Variants in ADAMTSL1 observed in about 807,000 individuals in gnomAD.
The protein encoded by ADAMTSL1 is ADAMTS like 1.
A neutral mutation model predicts 201.8 loss-of-function variants in ADAMTSL1; 126 were observed. That is an observed-to-expected ratio of 0.62 (90% CI 0.54 to 0.72). The LOEUF is 0.72. Among genes scored for constraint, ADAMTSL1 ranks in the 30% least tolerant of loss-of-function variants. ADAMTSL1 has a pLI of 0.00. For missense variants in ADAMTSL1, 2,679 were observed against 2,277.8 expected, an observed-to-expected ratio of 1.18 and a Z score of -3.59; for synonymous variants, 1,121 against 903.4, an observed-to-expected ratio of 1.24 and a Z score of -4.32.
intron 2 of ADAMTSL1, among the ~76,000 whole-genome samples, chr9:18,443,082 G>C (rs994814725): frequency 6.6e-6 from 1 of 152,120 alleles, no homozygotes; most frequent in Non-Finnish European, 1.5e-5. Flanking sequence ...GAAGGCTTTG[G>C]GGGCCTGGAT....
At chr9:18,343,034 G>T (rs960992520) in intron 2 of ADAMTSL1, among the ~76,000 whole-genome samples, 6 of 145,552 alleles carry the variant, frequency 4.1e-5, no homozygotes, top group East Asian at 2.0e-4. Context: ...TTTTTGTTTT[G>T]TTTTTTTTTT....
chr9:18,688,315 G>C (rs1396631684), intron 13 of ADAMTSL1, among the ~76,000 whole-genome samples: 1 of 151,486 alleles, frequency 6.6e-6, no homozygotes, highest in Admixed American at 6.6e-5. Flanking sequence ...GTAAATAAGA[G>C]ACAGGGTTTC....
chr9:18,357,278 C>G (rs1220591972), intron 2 of ADAMTSL1, among the ~76,000 whole-genome samples: 1 of 151,726 alleles, frequency 6.6e-6, no homozygotes, highest in Admixed American at 6.6e-5. Flanking sequence ...CAAAATAATC[C>G]TGTTGAAAAA....
chr9:18,861,819 C>T (rs1827231669), intron 23 of ADAMTSL1, among the ~76,000 whole-genome samples: 1 of 152,196 alleles, frequency 6.6e-6, no homozygotes, highest in Non-Finnish European at 1.5e-5. Context: ...CTTTCAGACA[C>T]CTCTGTCCTT....
At chr9:18,897,240 G>T (rs111503467) in intron 26 of ADAMTSL1, among the ~76,000 whole-genome samples, 3 of 152,062 alleles carry the variant, frequency 2.0e-5, no homozygotes, top group Non-Finnish European at 4.4e-5. Flanking sequence ...CAGAGCCCCC[G>T]GGGGAAGGGG....
intron 5 of ADAMTSL1, among the ~76,000 whole-genome samples, chr9:18,624,945 C>T (rs934629126): frequency 1.3e-5 from 2 of 152,200 alleles, no homozygotes; most frequent in African/African-American, 4.8e-5. Flanking sequence ...TGATTGATAT[C>T]AATAAAGCCC....
chr9:18,332,223 A>G (rs1835057420), intron 2 of ADAMTSL1, among the ~76,000 whole-genome samples: 1 of 152,230 alleles, frequency 6.6e-6, no homozygotes, highest in Non-Finnish European at 1.5e-5. Flanking sequence ...AGACCATGTT[A>G]TCTTACATAG....
intron 2 of ADAMTSL1, among the ~76,000 whole-genome samples, chr9:18,518,360 A>G (rs990038817): frequency 6.6e-6 from 1 of 151,896 alleles, no homozygotes; most frequent in Non-Finnish European, 1.5e-5. Flanking sequence ...GTCCATGTGT[A>G]CGCATTGTTT....
intron 7 of ADAMTSL1, among the ~76,000 whole-genome samples, chr9:18,654,750 G>A (rs771149821): frequency 5.3e-5 from 8 of 152,208 alleles, no homozygotes; most frequent in Non-Finnish European, 1.0e-4. Flanking sequence ...CAAAAATTGA[G>A]TCTAGTAGAC....
chr9:17,931,566 AG>A (rs1826790639), intron 1 of ADAMTSL1, among the ~76,000 whole-genome samples: 1 of 152,208 alleles, frequency 6.6e-6, no homozygotes, highest in Non-Finnish European at 1.5e-5. Flanking sequence ...TTGTTTTTCA[AG>A]AAATGTAAGT....
chr9:18,116,620 A>T (rs1389391575), intron 1 of ADAMTSL1, among the ~76,000 whole-genome samples: 1 of 152,174 alleles, frequency 6.6e-6, no homozygotes, highest in Non-Finnish European at 1.5e-5. Context: ...CAGGGGTTGC[A>T]TTTTATGTAG....
rs113028474 is a variant in ADAMTSL1, at chr9:18,907,487, G to C, written c.5182+575G>C. On this transcript the variant is annotated intron_variant, in intron 28 of 28. Coordinates refer to ENST00000380548, the MANE Select transcript of ADAMTSL1 (RefSeq NM_001040272.6). ...TCCCAATACCATCATTTGTATTCCA[G>C]TTGGGAAGGAGTTTATTTTTTTCTT... 339 of 152,392 alleles carry C rather than the reference G, an allele frequency of 2.2e-3. 2 individuals are homozygous for C. Among genetic ancestry groups the C allele is most frequent in the Non-Finnish European group, 3.7e-3 (251 of 68,234 alleles). The allele number at this position is 152,392 out of a possible 1,614,324, so 9.4% of individuals were successfully genotyped here. A position where few individuals can be genotyped will look rare whatever the true frequency, so the allele number is the denominator to read the frequency against.
In ADAMTSL1 at chr9:18,714,012, C is replaced by T. The variant is rs1481495187; in HGVS notation, c.1876+6964C>T. 4.7e-5 allele frequency among the ~76,000 whole-genome samples: 7 copies of T among 148,488 alleles called. No individual in the cohort carries two copies. The East Asian group carries it at 7.8e-4, about 17-fold the overall frequency. On this transcript the variant is annotated intron_variant, in intron 14 of 28. Coordinates refer to ENST00000380548, the MANE Select transcript of ADAMTSL1 (RefSeq NM_001040272.6). ...TCCTGAATGACTACTGGGTACATAA[C>T]GAAATGAAGGCAGAAATAAAGATGT...
At chr9:18,050,275 T>A (rs1353426197) in intron 1 of ADAMTSL1, among the ~76,000 whole-genome samples, 1 of 152,180 alleles carries the variant, frequency 6.6e-6, no homozygotes, top group Non-Finnish European at 1.5e-5. Context: ...TGCTCATTTT[T>A]AAATTTTCTG....
At chr9:18,674,448 T>C (rs1365997316) in intron 9 of ADAMTSL1, among the ~76,000 whole-genome samples, 35 of 152,020 alleles carry the variant, frequency 2.3e-4, no homozygotes, top group Non-Finnish European at 1.5e-5. Context: ...CTTCAGAAAC[T>C]ATGCAGGCCC....
At chr9:17,955,153 A>G (rs1652244383) in intron 1 of ADAMTSL1, among the ~76,000 whole-genome samples, 2 of 152,192 alleles carry the variant, frequency 1.3e-5, no homozygotes, top group African/African-American at 4.8e-5. Context: ...TGCCTTGAAT[A>G]TACATGCCAT....
At chr9:18,512,367 A>G (rs1310590874) in intron 2 of ADAMTSL1, among the ~76,000 whole-genome samples, 1 of 152,054 alleles carries the variant, frequency 6.6e-6, no homozygotes, top group Non-Finnish European at 1.5e-5. Context: ...ATGGTTAGAA[A>G]TGTGTTTGTT....
intron 2 of ADAMTSL1, among the ~76,000 whole-genome samples, chr9:18,234,989 A>G (rs57782417): frequency 1.3e-3 from 203 of 152,332 alleles, no homozygotes; most frequent in African/African-American, 4.7e-3. Flanking sequence ...TGTGATTAGC[A>G]TCTTCCAATA....
intron 23 of ADAMTSL1, among the ~76,000 whole-genome samples, chr9:18,876,623 T>G (rs1014051502): frequency 6.6e-6 from 1 of 152,232 alleles, no homozygotes; most frequent in Non-Finnish European, 1.5e-5. Flanking sequence ...AGAAATCTGC[T>G]GTTAATCAGG....
Sources: allele counts gnomAD v4.1 joint callset (sites outside exome capture counted in the v4.1 genomes callset), GRCh38; gene constraint gnomAD v4.1.1; transcripts MANE v1.5; gene names NCBI Gene and HGNC (gene_info 2026-07-23, HGNC 2026-07-21).